Variants in ZNF608 observed in about 807,000 individuals in gnomAD.
ZNF608 encodes the protein renal carcinoma antigen NY-REN-36.
ZNF608 carries 12 observed loss-of-function variants against 109.0 expected under a neutral mutation model. The ratio of observed to expected loss-of-function variants is 0.11; its 90% CI spans 0.07 to 0.18. The LOEUF (loss-of-function observed/expected upper bound fraction) is 0.18. ZNF608 is among the 10% of genes least tolerant of loss of function. The pLI is 1.00. For synonymous variants in ZNF608, 732 were observed against 717.4 expected, an observed-to-expected ratio of 1.02 and a Z score of -0.33; for missense variants, 1,707 against 1,879.3, an observed-to-expected ratio of 0.91 and a Z score of 1.70.
chr5:124,737,252 G>A (rs908876838), intron 2 of ZNF608, among the ~76,000 whole-genome samples: 4 of 152,124 alleles, frequency 2.6e-5, no homozygotes, highest in African/African-American at 9.6e-5. Flanking sequence ...ACATTCATGT[G>A]GCATTATTGG....
At chr5:124,672,939 A>G (rs143602193) in intron 3 of ZNF608, among the ~76,000 whole-genome samples, 1,535 of 152,336 alleles carry the variant, frequency 0.01, 23 homozygotes, top group African/African-American at 0.03. Context: ...ATGAGGTGAC[A>G]ACAGTAAGTT....
chr5:124,709,776 C>G (rs1297488931), intron 2 of ZNF608, among the ~76,000 whole-genome samples: 1 of 152,178 alleles, frequency 6.6e-6, no homozygotes, highest in Admixed American at 6.5e-5. Flanking sequence ...TTCCTCTCAT[C>G]CCATTTCCAA....
intron 2 of ZNF608, among the ~76,000 whole-genome samples, chr5:124,719,990 C>T (rs1228728845): frequency 1.3e-5 from 2 of 152,144 alleles, no homozygotes; most frequent in Non-Finnish European, 2.9e-5. Context: ...CTCTTATGAT[C>T]GTTGAAGTCT....
intron 3 of ZNF608, among the ~76,000 whole-genome samples, chr5:124,694,878 C>G (rs1442107288): frequency 6.6e-6 from 1 of 152,148 alleles, no homozygotes; most frequent in Non-Finnish European, 1.5e-5. Flanking sequence ...TCCACACTTT[C>G]ACTGACAACT....
chr5:124,745,867 C>A (rs1439548190), intron 1 of ZNF608, among the ~76,000 whole-genome samples: 1 of 152,158 alleles, frequency 6.6e-6, no homozygotes, highest in Non-Finnish European at 1.5e-5. Flanking sequence ...AAGAGCATTT[C>A]TCTCTAGAAA....
intron 3 of ZNF608, among the ~76,000 whole-genome samples, chr5:124,651,719 A>G (rs1750786016): frequency 6.6e-6 from 1 of 152,280 alleles, no homozygotes; most frequent in Admixed American, 6.5e-5. Context: ...GTTTCCAGAG[A>G]ACGCTGGCCG....
chr5:124,642,731 C>T (rs1244163996), intron 7 of ZNF608, among the ~76,000 whole-genome samples: 1 of 122,744 alleles, frequency 8.1e-6, no homozygotes, highest in African/African-American at 3.3e-5. Flanking sequence ...CAGAGCCTTG[C>T]TCTGTCGCCC....
chr5:124,746,084 C>T, intron 1 of ZNF608, 111 bp downstream of exon 1: 1 of 975,510 alleles, frequency 1.0e-6, no homozygotes, highest in Non-Finnish European at 1.2e-6. Context: ...TGACAAAGAG[C>T]AGTTAAAACG....
At position 124,648,493 on chromosome 5, in the gene ZNF608, C is replaced by T; in HGVS notation, c.1891G>A (p.Gly631Arg). Reference sequence around the variant, plus strand: ...CCCTTTGGGGTCCCAGGTGGGTTTCCAGCACCAGGGGATGCCGGTGCCTTC... The same window carrying T: ...CCCTTTGGGGTCCCAGGTGGGTTTCTAGCACCAGGGGATGCCGGTGCCTTC... Reference protein sequence around the residue: ...QLKAPASPGAGNPPGTPKGKR... With the variant: ...QLKAPASPGARNPPGTPKGKR... The change falls in exon 5 of 10, where the codon GGA (glycine) becomes AGA (arginine). Residue 631 changes from glycine to arginine, a missense_variant. Physicochemically the swap from Gly to Arg is moderately radical, Grantham distance 125 (BLOSUM62 -2). Transcript: ENST00000513986. 1 of 1,614,192 alleles carries T rather than the reference C, an allele frequency of 6.2e-7. No individual in the cohort carries two copies. The highest frequency in any genetic ancestry group is 8.5e-7 in the Non-Finnish European group (1 of 1,180,034).
chr5:124,683,349 T>C (rs1580615529), intron 3 of ZNF608, among the ~76,000 whole-genome samples: 1 of 152,328 alleles, frequency 6.6e-6, no homozygotes, highest in Non-Finnish European at 1.5e-5. Flanking sequence ...TACTATCATC[T>C]AGAATAATGT....
At chr5:124,747,803 T>A (rs1341519374), upstream of ZNF608, among the ~76,000 whole-genome samples, 2 of 152,196 alleles carry the variant, frequency 1.3e-5, no homozygotes, top group East Asian at 3.9e-4. Context: ...CTCCAATTTG[T>A]CGGCTTTCCC....
intron 3 of ZNF608, among the ~76,000 whole-genome samples, chr5:124,695,160 A>C (rs1752797374): frequency 1.3e-5 from 2 of 152,160 alleles, no homozygotes; most frequent in Admixed American, 1.3e-4. Context: ...CACTGTTATA[A>C]TCGCCACTGA....
At chr5:124,698,178 A>T (rs574288388) in intron 3 of ZNF608, among the ~76,000 whole-genome samples, 4 of 152,162 alleles carry the variant, frequency 2.6e-5, no homozygotes, top group African/African-American at 9.7e-5. Flanking sequence ...CTGGCTCCCA[A>T]TGTGTTTGTT....
chr5:124,681,716 C>T (rs146447474), intron 3 of ZNF608, among the ~76,000 whole-genome samples: 3 of 152,186 alleles, frequency 2.0e-5, no homozygotes, highest in Non-Finnish European at 4.4e-5. Flanking sequence ...GCTACTCACT[C>T]TAGCCTAGGT....
intron 2 of ZNF608, among the ~76,000 whole-genome samples, chr5:124,737,137 A>G (rs2149899237): frequency 6.6e-6 from 1 of 152,374 alleles, no homozygotes; most frequent in Non-Finnish European, 1.5e-5. Context: ...TCTGGTTAGC[A>G]TAATAAGCCA....
chr5:124,638,070 C>T (rs559511017), intron 9 of ZNF608, among the ~76,000 whole-genome samples, 164 bp from the exon 10 acceptor site: 2 of 152,286 alleles, frequency 1.3e-5, no homozygotes, highest in African/African-American at 4.8e-5. Context: ...CCTGCCTCAG[C>T]CTCCCGAGTA....
At chr5:124,639,051 G>C (rs1445009588) in intron 9 of ZNF608, 82 bp downstream of exon 9, 8 of 1,369,656 alleles carry the variant, frequency 5.8e-6, no homozygotes, top group Non-Finnish European at 8.2e-6. Context: ...TAAGTTTTTG[G>C]TCTAAAAATC....
At chr5:124,708,839 C>T (rs994229038) in intron 2 of ZNF608, 1 of 444,760 alleles carries the variant, frequency 2.2e-6, no homozygotes, top group Non-Finnish European at 4.5e-6. Flanking sequence ...ATGCTTCCAC[C>T]TCCAGCCAGA....
Position 124,690,948 on chromosome 5 carries a change from C to CACAA in ZNF608, c.1162+10065_1162+10066insTTGT, listed in dbSNP as rs1554087943. On this transcript the variant is annotated intron_variant, in intron 3 of 9. Transcript: ENST00000513986. ...AAACACACACACACACACACACACA[C>CACAA]ACACACATAATGGAAAAGTGTGCAA... 8.8e-3 allele frequency among the ~76,000 whole-genome samples: 1,236 copies of CACAA among 139,724 alleles called. 12 individuals are homozygous for CACAA. The highest frequency in any genetic ancestry group is 0.027 in the African/African-American group (854 of 31,372). 91.7% of individuals were successfully genotyped at this position (139,724 alleles called of 152,430 possible).
Sources: gnomAD v4.1 joint callset for allele counts (sites outside exome capture counted in the v4.1 genomes callset) on GRCh38, gnomAD v4.1.1 for gene constraint, MANE v1.5 for transcripts, NCBI Gene and HGNC (gene_info 2026-07-23, HGNC 2026-07-21) for gene names.